The following LTBP1 variants were observed in gnomAD, a reference collection of about 807,000 sequenced individuals.
The protein encoded by LTBP1 is latent transforming growth factor beta binding protein 1, also known as latent-transforming growth factor beta-binding protein 1.
In LTBP1, 129 loss-of-function variants were observed where a neutral mutation model predicts 207.6. The ratio of observed to expected loss-of-function variants is 0.62; its 90% confidence interval spans 0.54 to 0.72. LTBP1 has a LOEUF of 0.72. Among genes scored for constraint, LTBP1 ranks in the 30% least tolerant of loss-of-function variants. The pLI is 0.00. For missense variants in LTBP1, 2,281 were observed against 2,217.2 expected (o/e 1.03, Z -0.58); for synonymous variants, 963 against 833.7 (o/e 1.16, Z -2.67).
intron 2 of LTBP1, among the ~76,000 whole-genome samples, chr2:33,019,611 A>ACAGT (rs1229798796): frequency 2.6e-5 from 4 of 152,166 alleles, no homozygotes; most frequent in African/African-American, 9.7e-5. Context: ...CTAGGATTAC[A>ACAGT]GGCGTGAGCC....
At chr2:33,326,936 A>G (rs1409572329) in intron 24 of LTBP1, among the ~76,000 whole-genome samples, 2 of 152,206 alleles carry the variant, frequency 1.3e-5, no homozygotes, top group Non-Finnish European at 2.9e-5. Context: ...GACATGAGCC[A>G]TTGCACCTGG....
chr2:32,953,292 C>G (rs574567118), intron 2 of LTBP1, among the ~76,000 whole-genome samples: 7 of 152,190 alleles, frequency 4.6e-5, no homozygotes, highest in Non-Finnish European at 1.0e-4. Context: ...AGGCTGTCCC[C>G]CATCCCTCTT....
intron 3 of LTBP1, among the ~76,000 whole-genome samples, chr2:33,064,473 G>T (rs146199929): frequency 6.6e-6 from 1 of 152,320 alleles, no homozygotes; most frequent in East Asian, 1.9e-4. Flanking sequence ...TTCATGTTCA[G>T]ATTGGGTCTC....
chr2:33,174,655 A>G (rs1010223519), intron 5 of LTBP1, among the ~76,000 whole-genome samples: 32 of 152,150 alleles, frequency 2.1e-4, no homozygotes, highest in African/African-American at 7.7e-4. Context: ...GGAAAAAACT[A>G]CTTTAAAGTT....
chr2:33,150,704 C>CTTTTTTTTTTTT (rs1211013076), intron 5 of LTBP1, among the ~76,000 whole-genome samples: 22 of 108,834 alleles, frequency 2.0e-4, no homozygotes, highest in African/African-American at 6.7e-4. Context: ...TTTCTTTTTT[C>CTTTTTTTTTTTT]TTTTTCTTTT....
In LTBP1 at chr2:33,280,060, C is replaced by G. The variant is rs1340030406; in HGVS notation, c.3014C>G (p.Pro1005Arg). ...TCAGATATTGATGAATGTTTGAATC[C>G]AAGCACTTGTCCAGATGAGCAGTGT... is the stretch of plus-strand genomic sequence containing the variant. ...RCEDIDECLN[P>R]STCPDEQCVN... Residue 1005 changes from proline (P) to arginine (R), a missense_variant, in exon 19 of 34, where the codon CCA (proline) becomes CGA (arginine). Around this residue, in one of 3 missense-constraint regions of LTBP1, gnomAD observed 1,671 missense variants for 1,634.8 expected, o/e 1.02. Coordinates refer to ENST00000404816, the MANE Select transcript of LTBP1 (RefSeq NM_206943.4). 1.2e-6 allele frequency: 2 copies of G among 1,613,996 alleles called. No homozygotes were observed. Among genetic ancestry groups the G allele is most frequent in the Admixed American group, 3.3e-5 (2 of 60,006 alleles).
intron 2 of LTBP1, among the ~76,000 whole-genome samples, chr2:32,955,977 A>T (rs937273969): frequency 6.6e-6 from 1 of 152,204 alleles, no homozygotes; most frequent in African/African-American, 2.4e-5. Flanking sequence ...TTCCCAGTAC[A>T]TGTAAAACTC....
chr2:32,978,591 T>C (rs779003347), intron 2 of LTBP1, among the ~76,000 whole-genome samples: 7 of 152,134 alleles, frequency 4.6e-5, no homozygotes. Flanking sequence ...TTTTGTTGAA[T>C]TTGGTTTGTT....
intron 3 of LTBP1, among the ~76,000 whole-genome samples, chr2:33,047,709 G>T (rs1436543486): frequency 6.6e-6 from 1 of 152,192 alleles, no homozygotes; most frequent in Non-Finnish European, 1.5e-5. Context: ...AATATTGACA[G>T]TGGGGTGTTA....
Position 33,110,692 on chromosome 2 carries a change from C to T in LTBP1, c.974C>T (p.Ser325Phe), listed in dbSNP as rs1449098145. The T allele has an allele frequency of 8.7e-6, 14 of 1,614,204 alleles. No individual in the cohort carries two copies. The highest frequency in any genetic ancestry group is 9.3e-6 in the Non-Finnish European group (11 of 1,180,026). The stretch of plus-strand genomic sequence containing the variant: ...CAGAAGGGGATTTCAGGAGAGCAGT[C>T]CACTGAAGGTTCTTTCCCTTTAAGA... ...PAQKGISGEQ[S>F]TEGSFPLRYV... Residue 325 changes from serine to phenylalanine, a missense_variant, in exon 4 of 34, where the codon TCC becomes TTC. By Grantham distance (155) the Ser-to-Phe change is radical (BLOSUM62 -2). Transcript: ENST00000404816.
intron 2 of LTBP1, among the ~76,000 whole-genome samples, chr2:33,007,738 G>T (rs2149059593): frequency 6.6e-6 from 1 of 152,342 alleles, no homozygotes; most frequent in East Asian, 1.9e-4. Context: ...TTTGGAGCGT[G>T]TGGGGGATGA....
chr2:33,023,217 T>C, intron 3 of LTBP1, among the ~76,000 whole-genome samples: 1 of 152,220 alleles, frequency 6.6e-6, no homozygotes, highest in Non-Finnish European at 1.5e-5. Flanking sequence ...AATTAGTTTT[T>C]TCTAGCATTA....
chr2:33,095,737 T>C (rs1448797070), intron 3 of LTBP1, among the ~76,000 whole-genome samples: 1 of 152,034 alleles, frequency 6.6e-6, no homozygotes, highest in Non-Finnish European at 1.5e-5. Flanking sequence ...TGGGGGAATT[T>C]TTAATAGAAA....
chr2:33,115,037 T>TACAC lies in LTBP1; in HGVS notation c.1033+4319_1033+4322dup, dbSNP rs60544598. 7.8e-3 allele frequency among the ~76,000 whole-genome samples: 1,140 copies of TACAC among 145,254 alleles called. 16 individuals are homozygous for TACAC. The highest frequency in any genetic ancestry group is 0.025 in the African/African-American group (979 of 38,448). On this transcript the variant is annotated intron_variant, in intron 4 of 33. Transcript: ENST00000404816. ...ATGAAGGGATAAACAAACAGATATA[T>TACAC]ACACACACACACACACACACACACA...
intron 2 of LTBP1, among the ~76,000 whole-genome samples, chr2:32,967,456 G>A (rs1369493070): frequency 6.6e-6 from 1 of 152,000 alleles, no homozygotes; most frequent in Non-Finnish European, 1.5e-5. Flanking sequence ...TGCATTCATT[G>A]TTATGAATTT....
chr2:33,201,581 A>G (rs2089280303), intron 7 of LTBP1, among the ~76,000 whole-genome samples: 1 of 152,102 alleles, frequency 6.6e-6, no homozygotes, highest in Admixed American at 6.5e-5. Context: ...ATACATATGT[A>G]ACTAACCTGC....
chr2:33,226,429 C>T lies in LTBP1; in HGVS notation c.1876+4278C>T, dbSNP rs904471648. Among the ~76,000 whole-genome samples the T allele has an allele frequency of 2.6e-5, 4 of 152,194 alleles. No homozygotes were observed. The South Asian group carries it at 8.3e-4, about 32-fold the overall frequency. On this transcript the variant is annotated intron_variant, in intron 9 of 33. Transcript: ENST00000404816. ...CTCAGGAAAGAATTCAAGGCTGAGC[C>T]AGCAGTGAAAGAAAGCAAGTTTATT...
intron 11 of LTBP1, among the ~76,000 whole-genome samples, chr2:33,254,852 G>GTTGTTT (rs2092794565): frequency 9.6e-5 from 1 of 10,366 alleles, no homozygotes; most frequent in African/African-American, 5.4e-4. Context: ...GCGGTGTTTG[G>GTTGTTT]TTTTTTTTTT....
chr2:33,015,432 C>G (rs780221489), intron 2 of LTBP1, among the ~76,000 whole-genome samples: 1 of 152,298 alleles, frequency 6.6e-6, no homozygotes, highest in Middle Eastern at 3.4e-3. Flanking sequence ...AAAGTAGTGG[C>G]TCTATGTTTA....
Sources: gnomAD v4.1 joint callset for allele counts (sites outside exome capture counted in the v4.1 genomes callset) on GRCh38, gnomAD v4.1.1 for gene constraint, gnomAD v4.1.1 regional missense constraint, MANE v1.5 for transcripts, NCBI Gene and HGNC (gene_info 2026-07-23, HGNC 2026-07-21) for gene names.